NDRG3: variants seen among roughly 807,000 people sequenced by gnomAD.
The protein encoded by NDRG3 is NDRG family member 3.
A neutral mutation model predicts 57.2 loss-of-function variants in NDRG3; 23 were observed. The ratio of observed to expected loss-of-function variants is 0.40; its 90% confidence interval spans 0.29 to 0.57. The LOEUF is 0.57. Ranked by LOEUF, NDRG3 falls within the 20% of genes least tolerant of loss-of-function variation. NDRG3 has a pLI of 0.42. For synonymous variants in NDRG3, 132 were observed against 162.6 expected (o/e 0.81, Z 1.43); for missense variants, 384 against 457.3 (o/e 0.84, Z 1.46).
intron 3 of NDRG3, among the ~76,000 whole-genome samples, chr20:36,702,165 C>A (rs1304185612): frequency 6.6e-6 from 1 of 151,824 alleles, no homozygotes; most frequent in African/African-American, 2.4e-5. Context: ...GAGACGGAGT[C>A]TTGCTCTGTG....
intron 2 of NDRG3, among the ~76,000 whole-genome samples, chr20:36,720,034 G>A (rs1029150063): frequency 2.7e-5 from 4 of 150,848 alleles, no homozygotes; most frequent in Non-Finnish European, 5.9e-5. Context: ...TTGAAACCGG[G>A]AGGCGGAGCT....
Position 36,727,762 on chromosome 20 carries a change from C to T in NDRG3, c.-48-5979G>A, listed in dbSNP as rs563426391. On this transcript the variant is annotated intron_variant, in intron 1 of 15. Coordinates refer to ENST00000349004, the MANE Select transcript of NDRG3 (RefSeq NM_032013.4). ...TTCACCGTGTTAGCCAGGATGGTCT[C>T]GATCTCCTGACCTCGTGATCTGCCC... Among the ~76,000 whole-genome samples, 5 of 151,712 alleles carry T rather than the reference C, an allele frequency of 3.3e-5. No individual in the cohort carries two copies. The South Asian group carries it at 6.2e-4, about 19-fold the overall frequency.
At chr20:36,725,600 TA>T (rs548128722) in intron 1 of NDRG3, among the ~76,000 whole-genome samples, 3,603 of 82,396 alleles carry the variant, frequency 0.044, 51 homozygotes, top group Middle Eastern at 0.14. Context: ...AGACTCCGTC[TA>T]AAAAAAAAAA....
chr20:36,653,439 C>T lies in NDRG3; in HGVS notation c.*81G>A. 3.9e-6 allele frequency: 5 copies of T among 1,285,010 alleles called. No homozygotes were observed. Among genetic ancestry groups the T allele is most frequent in the Non-Finnish European group, 5.4e-6 (5 of 920,442 alleles). 79.6% of individuals were successfully genotyped at this position (1,285,010 alleles called of 1,614,324 possible). A position where few individuals can be genotyped will look rare whatever the true frequency, so the allele number is the denominator to read the frequency against. Reference sequence around the variant, plus strand: ...TGCATGAGTTAAAGATAGTAGAGGCCAGTTTACTGGATGAAATGTTATATT... The same window carrying T: ...TGCATGAGTTAAAGATAGTAGAGGCTAGTTTACTGGATGAAATGTTATATT... On this transcript the variant is annotated 3_prime_UTR_variant, in exon 16 of 16. Coordinates refer to ENST00000349004, the MANE Select transcript of NDRG3 (RefSeq NM_032013.4). The surrounding 1 kb of genome is among the most constrained non-coding windows in gnomAD (Gnocchi z 4.2).
chr20:36,745,488 T>C lies in NDRG3; in HGVS notation c.-49+557A>G, dbSNP rs557088781. Among the ~76,000 whole-genome samples, 5 of 152,316 alleles carry C rather than the reference T, an allele frequency of 3.3e-5. No individual in the cohort carries two copies. The East Asian group carries it at 9.7e-4, about 29-fold the overall frequency. On this transcript the variant is annotated intron_variant, in intron 1 of 15. Transcript: ENST00000349004. Reference sequence around the variant, plus strand: ...CTTGTCAGCTGCGTGACCTTGGGCATGGCACTTCACCTTTCCGTGCCTCAG... The same window carrying C: ...CTTGTCAGCTGCGTGACCTTGGGCACGGCACTTCACCTTTCCGTGCCTCAG...
chr20:36,724,398 T>G (rs898458857), intron 1 of NDRG3, among the ~76,000 whole-genome samples: 6 of 152,146 alleles, frequency 3.9e-5, no homozygotes, highest in Non-Finnish European at 8.8e-5. Context: ...TGCCCAGAAG[T>G]TGAATCTTTT....
chr20:36,686,649 G>T (rs1345883363), intron 5 of NDRG3, among the ~76,000 whole-genome samples: 2 of 152,144 alleles, frequency 1.3e-5, no homozygotes, highest in Non-Finnish European at 2.9e-5. Flanking sequence ...ACTCTGCCCT[G>T]CGAAGCAGAT....
At chr20:36,725,014 G>A (rs548946929) in intron 1 of NDRG3, among the ~76,000 whole-genome samples, 2 of 152,150 alleles carry the variant, frequency 1.3e-5, no homozygotes, top group Admixed American at 6.5e-5. Context: ...TATGAAAATC[G>A]GCCGGGCGCA....
At position 36,669,664 on chromosome 20, in the gene NDRG3, C is replaced by T. The variant is rs186305597; in HGVS notation, c.588+1677G>A. On this transcript the variant is annotated intron_variant, in intron 9 of 15. Transcript: ENST00000349004. ...ACAGGCGTGAGCCATGGCGCGCGGC[C>T]GATTTTTGAATTTTTATAAAGACAG... Among the ~76,000 whole-genome samples, 7 of 152,234 alleles carry T rather than the reference C, an allele frequency of 4.6e-5. No individual in the cohort carries two copies. The South Asian group carries it at 1.0e-3, about 23-fold the overall frequency.
At chr20:36,677,105 AGGAGCTGGGGACAAGCG>A (rs536661088) in intron 8 of NDRG3, among the ~76,000 whole-genome samples, 21 of 152,270 alleles carry the variant, frequency 1.4e-4, no homozygotes, top group African/African-American at 5.1e-4. Flanking sequence ...GGAAGCGAGC[AGGAGCTGGGGACAAGCG>A]GGAGCCGGGC....
At chr20:36,661,599 G>A (rs957241852) in intron 12 of NDRG3, among the ~76,000 whole-genome samples, 13 of 152,158 alleles carry the variant, frequency 8.5e-5, no homozygotes, top group East Asian at 1.9e-4. Flanking sequence ...GAATCAAGGC[G>A]AAAGCATAAG....
intron 15 of NDRG3, chr20:36,654,883 A>C (rs1600845613): frequency 1.3e-6 from 1 of 779,586 alleles, no homozygotes; most frequent in African/African-American, 1.7e-5. Context: ...TAGTGACCCC[A>C]GAGTGCCAAG....
chr20:36,675,157 TCAAGCGATTCTCTTGCCTTAGCTTCC>T (rs1444647202), intron 8 of NDRG3, among the ~76,000 whole-genome samples: 2 of 150,638 alleles, frequency 1.3e-5, no homozygotes, highest in Admixed American at 6.7e-5. Flanking sequence ...CCTCCCAGGT[TCAAGCGATTCTCTTGCCTTAGCTTCC>T]CAAGTAGCTG....
intron 15 of NDRG3, chr20:36,654,935 A>C: frequency 2.7e-6 from 2 of 753,880 alleles, no homozygotes; most frequent in Non-Finnish European, 5.0e-6. Context: ...AGAATACTCT[A>C]AGCCAGGGAT....
chr20:36,660,856 G>A (rs1231781125), intron 12 of NDRG3, among the ~76,000 whole-genome samples: 5 of 152,066 alleles, frequency 3.3e-5, no homozygotes, highest in Admixed American at 1.3e-4. Context: ...CACCGCGCCC[G>A]GCCCGGGAGA....
chr20:36,654,942 G>C (rs1445069413), intron 15 of NDRG3: 3 of 741,708 alleles, frequency 4.0e-6, no homozygotes, highest in East Asian at 2.5e-5. Context: ...TCTAAGCCAG[G>C]GATAAAATTT....
chr20:36,693,094 AAAAAAAAAAAAATAT>A, intron 3 of NDRG3, among the ~76,000 whole-genome samples: 1 of 62,452 alleles, frequency 1.6e-5, no homozygotes, highest in Admixed American at 2.4e-4. Flanking sequence ...AAAAAAAAAA[AAAAAAAAAAAAATAT>A]ATATATATAT....
At chr20:36,716,495 TG>T (rs2148188978) in intron 2 of NDRG3, among the ~76,000 whole-genome samples, 1 of 145,584 alleles carries the variant, frequency 6.9e-6, no homozygotes, top group South Asian at 2.2e-4. Flanking sequence ...ATCATGCCAC[TG>T]CACTCCAGCC....
intron 1 of NDRG3, among the ~76,000 whole-genome samples, chr20:36,734,107 C>T (rs1985485131): frequency 6.6e-6 from 1 of 152,126 alleles, no homozygotes; most frequent in Non-Finnish European, 1.5e-5. Context: ...CGCCTGTAAT[C>T]CCAGCACTTT....
Sources: allele counts gnomAD v4.1 joint callset (sites outside exome capture counted in the v4.1 genomes callset), GRCh38; gene constraint gnomAD v4.1.1; non-coding constraint Gnocchi (gnomAD v3.1); transcripts MANE v1.5; gene names NCBI Gene and HGNC (gene_info 2026-07-23, HGNC 2026-07-21).